The following AIMP2 variants were observed in gnomAD, a reference collection of about 807,000 sequenced individuals.
AIMP2 encodes the protein aminoacyl tRNA synthetase complex interacting multifunctional protein 2.
In AIMP2, 20 loss-of-function variants were observed where a neutral mutation model predicts 23.4. The observed-to-expected ratio is 0.85, with a 90% CI of 0.60 to 1.24. The LOEUF is 1.24. AIMP2 is among the 50% of genes most tolerant of loss of function. The probability of loss-of-function intolerance (pLI) is 0.00; values close to 1 mark genes in which losing one functional copy is unlikely to be tolerated. For synonymous variants in AIMP2, 210 were observed against 170.4 expected (o/e 1.23, Z -1.81); for missense variants, 515 against 414.5 (o/e 1.24, Z -2.10).
intron 1 of AIMP2, among the ~76,000 whole-genome samples, chr7:6,012,272 AAAG>A (rs1583447778): frequency 6.6e-6 from 1 of 152,136 alleles, no homozygotes; most frequent in East Asian, 1.9e-4. Flanking sequence ...AAAAAGAAAA[AAAG>A]CAATCAAGTA....
intron 3 of AIMP2, among the ~76,000 whole-genome samples, chr7:6,018,968 T>TACACACACAC (rs59354100): frequency 0.043 from 6,445 of 150,608 alleles, 379 homozygotes; most frequent in African/African-American, 0.13. Context: ...TATCAAACCT[T>TACACACACAC]ACACACACAC....
chr7:6,017,044 A>C (rs955276866), intron 2 of AIMP2: 1 of 152,480 alleles, frequency 6.6e-6, no homozygotes, highest in Non-Finnish European at 1.5e-5. Flanking sequence ...TGAGCACTTC[A>C]GTTAACGCCT....
At chr7:6,018,154 T>C (rs1787150549) in intron 3 of AIMP2, 109 bp downstream of exon 3, 17 of 944,008 alleles carry the variant, frequency 1.8e-5, no homozygotes, top group South Asian at 1.1e-4. Context: ...TTCTTTTTTT[T>C]TTTTTTTTTT....
At chr7:6,009,558 T>TG in intron 1 of AIMP2, 60 bp downstream of exon 1, 1 of 1,371,480 alleles carries the variant, frequency 7.3e-7, no homozygotes, top group East Asian at 3.0e-5. Flanking sequence ...CTGGCCCGGG[T>TG]CCCCCCAGGC....
chr7:6,023,628 G>A lies in AIMP2; in HGVS notation c.900G>A (p.Gln300=). The A allele has an allele frequency of 1.2e-6, 2 of 1,614,168 alleles. No homozygotes were observed. Among genetic ancestry groups the A allele is most frequent in the Non-Finnish European group, 1.7e-6 (2 of 1,180,024 alleles). ...GCSVTVPANV[Q]RWMRSCENLA... Reference sequence around the variant, plus strand: ...GTGTGACAGTGCCAGCCAATGTGCAGAGGTGGATGAGGTCTTGTGAAAACC... The same window carrying A: ...GTGTGACAGTGCCAGCCAATGTGCAAAGGTGGATGAGGTCTTGTGAAAACC... Residue 300 remains glutamine (Q), a synonymous_variant, in exon 4 of 4, where the codon CAG becomes CAA. Transcript: ENST00000223029.
chr7:6,022,041 G>C (rs1203349815), intron 3 of AIMP2, among the ~76,000 whole-genome samples: 1 of 152,072 alleles, frequency 6.6e-6, no homozygotes, highest in Non-Finnish European at 1.5e-5. Flanking sequence ...AGACCTTCAT[G>C]ATGATCCACT....
At chr7:6,015,623 C>A (rs1389409071) in intron 2 of AIMP2, among the ~76,000 whole-genome samples, 1 of 152,210 alleles carries the variant, frequency 6.6e-6, no homozygotes, top group African/African-American at 2.4e-5. Flanking sequence ...ACTCGGGAGG[C>A]TGAGGCAGGA....
At chr7:6,013,137 T>A in intron 1 of AIMP2, 1 of 225,494 alleles carries the variant, frequency 4.4e-6, no homozygotes, top group Non-Finnish European at 7.4e-6. Flanking sequence ...CGAAATTGGG[T>A]GAGGTAAGGT....
intron 3 of AIMP2, among the ~76,000 whole-genome samples, chr7:6,018,935 A>G (rs1195970152): frequency 6.6e-6 from 1 of 151,440 alleles, no homozygotes; most frequent in Non-Finnish European, 1.5e-5. Context: ...ATATACACAA[A>G]TCTATTTTAA....
intron 1 of AIMP2, among the ~76,000 whole-genome samples, chr7:6,009,970 A>ATAT (rs1170519704): frequency 1.8e-3 from 63 of 34,590 alleles, no homozygotes; most frequent in African/African-American, 4.2e-3. Context: ...AAAAAAAAAA[A>ATAT]AAAAATATAT....
At chr7:6,017,668 G>C (rs1045810736) in intron 2 of AIMP2, 146 bp from the exon 3 acceptor site, 1 of 675,772 alleles carries the variant, frequency 1.5e-6, no homozygotes. Flanking sequence ...TAAGTTACTG[G>C]CTGCAACGTG....
intron 2 of AIMP2, among the ~76,000 whole-genome samples, chr7:6,015,902 G>A (rs563779140): frequency 2.5e-4 from 38 of 152,328 alleles, no homozygotes; most frequent in African/African-American, 7.9e-4. Flanking sequence ...GGACAGGGAG[G>A]ATCTGTAGGT....
At chr7:6,018,362 C>G (rs1353732890) in intron 3 of AIMP2, among the ~76,000 whole-genome samples, 1 of 150,130 alleles carries the variant, frequency 6.7e-6, no homozygotes, top group Non-Finnish European at 1.5e-5. Context: ...ATTGGTCAGG[C>G]TGGTCTCAAA....
chr7:6,018,095 C>A (rs1787141906), intron 3 of AIMP2, 50 bp downstream of exon 3: 3 of 1,439,552 alleles, frequency 2.1e-6, no homozygotes, highest in Non-Finnish European at 2.9e-6. Context: ...CCCTTGAACA[C>A]CATGAGTTTC....
chr7:6,015,344 C>G lies in AIMP2; in HGVS notation c.334C>G (p.Leu112Val). 6.2e-7 allele frequency: 1 copy of G among 1,614,084 alleles called. No individual in the cohort carries two copies. Among genetic ancestry groups the G allele is most frequent in the Non-Finnish European group, 8.5e-7 (1 of 1,179,988 alleles). ...CAATGCGCTGGACTTGAATTCAGTG[C>G]TTGGGAAGGTAGGTTCGTTTTGAAA... The part of the protein sequence containing the change: ...TTNALDLNSV[L>V]GKDYGALKDI... The change falls in exon 2 of 4, where the codon CTT becomes GTT. Residue 112 changes from leucine to valine, a missense_variant. By Grantham distance (32) the Leu-to-Val change is conservative (BLOSUM62 1). Transcript: ENST00000223029.
Position 6,017,873 on chromosome 7 carries a change from C to T in AIMP2, c.402C>T (p.Ser134=), listed in dbSNP as rs137867185. The change falls in exon 3 of 4, where the codon TCC becomes TCT. Residue 134 remains serine, a synonymous_variant. Coordinates refer to ENST00000223029, the MANE Select transcript of AIMP2 (RefSeq NM_006303.4). ...INANPASPPL[S]LLVLHRLLCE... ...CAAACCCGGCCTCCCCTCCCCTCTC[C>T]CTGCTTGTGCTGCACAGGCTGCTCT... 39 of 1,614,146 alleles carry T rather than the reference C, an allele frequency of 2.4e-5. No homozygotes were observed. The highest frequency in any genetic ancestry group is 3.1e-5 in the Non-Finnish European group (37 of 1,180,034).
chr7:6,015,365 T>C lies in AIMP2; in HGVS notation c.342+13T>C. On this transcript the variant is annotated intron_variant, in intron 2 of 3. Transcript: ENST00000223029. Reference sequence around the variant, plus strand: ...AGTGCTTGGGAAGGTAGGTTCGTTTTGAAAGCTGAAACGTTAGTAGGTACT... The same window carrying C: ...AGTGCTTGGGAAGGTAGGTTCGTTTCGAAAGCTGAAACGTTAGTAGGTACT... 2.5e-6 allele frequency: 4 copies of C among 1,613,460 alleles called. No individual in the cohort carries two copies. The highest frequency in any genetic ancestry group is 3.4e-6 in the Non-Finnish European group (4 of 1,179,500).
chr7:6,010,853 A>G (rs1786633764), intron 1 of AIMP2, among the ~76,000 whole-genome samples: 1 of 151,062 alleles, frequency 6.6e-6, no homozygotes, highest in African/African-American at 2.4e-5. Context: ...ACATCTCTAC[A>G]TAAAAGGTGG....
Position 6,022,948 on chromosome 7 carries a change from C to T in AIMP2, c.575-355C>T, listed in dbSNP as rs116924506. 147 of 229,208 alleles carry T rather than the reference C, an allele frequency of 6.4e-4. 5 individuals are homozygous for T. The East Asian group carries it at 0.014, about 22-fold the overall frequency. The allele number at this position is 229,208 out of a possible 1,614,324, so 14.2% of individuals were successfully genotyped here. A position where few individuals can be genotyped will look rare whatever the true frequency, so the allele number is the denominator to read the frequency against. On this transcript the variant is annotated intron_variant, in intron 3 of 3. Coordinates refer to ENST00000223029, the MANE Select transcript of AIMP2 (RefSeq NM_006303.4). The stretch of plus-strand genomic sequence containing the variant: ...TAATTGCCCTCAGTCTCACAGAAGG[C>T]GATTATGAGGCCAAGAGCCTGGGAG...
Sources: gnomAD v4.1 joint callset for allele counts (sites outside exome capture counted in the v4.1 genomes callset) on GRCh38, gnomAD v4.1.1 for gene constraint, MANE v1.5 for transcripts, NCBI Gene and HGNC (gene_info 2026-07-23, HGNC 2026-07-21) for gene names.